The following TBC1D19 variants were observed in gnomAD, a reference collection of about 807,000 sequenced individuals.
TBC1D19 encodes the protein TBC1 domain family member 19.
TBC1D19 carries 60 observed loss-of-function variants against 89.0 expected under a neutral mutation model. That is an observed-to-expected ratio of 0.67 (90% CI 0.55 to 0.84). TBC1D19 has a LOEUF of 0.84. Among genes scored for constraint, TBC1D19 ranks in the 40% least tolerant of loss-of-function variants. The pLI is 0.00. For missense variants in TBC1D19, 500 were observed against 610.8 expected, an observed-to-expected ratio of 0.82 and a Z score of 1.91; for synonymous variants, 189 against 199.7, an observed-to-expected ratio of 0.95 and a Z score of 0.45.
intron 7 of TBC1D19, among the ~76,000 whole-genome samples, chr4:26,652,530 C>T (rs558577033): frequency 1.4e-4 from 21 of 152,216 alleles, no homozygotes; most frequent in East Asian, 1.4e-3. Context: ...CGTGAGCCAC[C>T]GCACCCGGCC....
At chr4:26,807,785 A>T in the TBC1D19 span, among the ~76,000 whole-genome samples, 17 of 152,188 alleles carry the variant, frequency 1.1e-4, no homozygotes, top group Non-Finnish European at 2.5e-4. Context: ...TTTACAGAAC[A>T]TATCAGGTTG....
At position 26,654,835 on chromosome 4, in the gene TBC1D19, C is replaced by T. The variant is rs189979888; in HGVS notation, c.481-4762C>T. Among the ~76,000 whole-genome samples the T allele has an allele frequency of 1.9e-4, 29 of 151,842 alleles. No homozygotes were observed. In the Middle Eastern group the frequency reaches 0.01, roughly 53 times the overall value. ...TGGGTTCGAACTTCCTCCTTTAGCT[C>T]GGAGTAGTTTGATCTTCTGAAGGCT... is the stretch of plus-strand genomic sequence containing the variant. On this transcript the variant is annotated intron_variant, in intron 7 of 20. Coordinates refer to ENST00000264866, the MANE Select transcript of TBC1D19 (RefSeq NM_018317.4).
At chr4:26,676,711 T>A (rs1470099740) in intron 11 of TBC1D19, among the ~76,000 whole-genome samples, 1 of 148,388 alleles carries the variant, frequency 6.7e-6, no homozygotes, top group Non-Finnish European at 1.5e-5. Flanking sequence ...AGGGCAAGAC[T>A]GTCTCAAAAA....
chr4:26,849,998 G>C, the TBC1D19 span, among the ~76,000 whole-genome samples: 1 of 152,058 alleles, frequency 6.6e-6, no homozygotes, highest in African/African-American at 2.4e-5. Context: ...CTATATGCCA[G>C]GTACAGGATC....
intron 18 of TBC1D19, among the ~76,000 whole-genome samples, chr4:26,744,080 G>T (rs1718516341): frequency 6.6e-6 from 1 of 151,446 alleles, no homozygotes; most frequent in South Asian, 2.1e-4. Context: ...AATAGATATA[G>T]GACTACTTGG....
chr4:26,631,199 G>A (rs565853973), intron 4 of TBC1D19, among the ~76,000 whole-genome samples: 1 of 152,156 alleles, frequency 6.6e-6, no homozygotes, highest in South Asian at 2.1e-4. Context: ...GATTTTCAAG[G>A]AAGTGGTATA....
At chr4:26,669,855 C>T (rs1414065193) in intron 9 of TBC1D19, among the ~76,000 whole-genome samples, 1 of 151,552 alleles carries the variant, frequency 6.6e-6, no homozygotes, top group African/African-American at 2.4e-5. Flanking sequence ...TTGAAATGAA[C>T]ATAAAGGATT....
At chr4:26,756,701 T>C (rs527531036), downstream of TBC1D19, among the ~76,000 whole-genome samples, 51 of 152,358 alleles carry the variant, frequency 3.3e-4, no homozygotes, top group South Asian at 8.5e-3. Flanking sequence ...ATATTGTTGG[T>C]ACTTAGTTTG....
the TBC1D19 span, among the ~76,000 whole-genome samples, chr4:26,765,429 G>T: frequency 2.0e-5 from 3 of 150,668 alleles, no homozygotes; most frequent in African/African-American, 7.3e-5. Flanking sequence ...CATATTGGGG[G>T]CTGGGAATTC....
the TBC1D19 span, among the ~76,000 whole-genome samples, chr4:26,856,263 A>C: frequency 1.3e-5 from 2 of 152,196 alleles, no homozygotes; most frequent in Admixed American, 1.3e-4. Context: ...CACTTAGCCT[A>C]ATGTCCTCCA....
the TBC1D19 span, among the ~76,000 whole-genome samples, chr4:26,825,481 A>G: frequency 0.024 from 3,644 of 152,288 alleles, 143 homozygotes; most frequent in African/African-American, 0.084. Flanking sequence ...TATTTTTTCA[A>G]TGACATTTTC....
At chr4:26,636,824 C>T (rs1228112591) in intron 4 of TBC1D19, among the ~76,000 whole-genome samples, 2 of 151,934 alleles carry the variant, frequency 1.3e-5, no homozygotes, top group African/African-American at 4.8e-5. Context: ...TTACCTTTTA[C>T]TAGATCATTA....
At chr4:26,601,683 G>A (rs1335668394) in intron 1 of TBC1D19, among the ~76,000 whole-genome samples, 1 of 152,164 alleles carries the variant, frequency 6.6e-6, no homozygotes, top group Non-Finnish European at 1.5e-5. Context: ...TCTGAGGAGG[G>A]TGAAGGCATG....
At chr4:26,750,470 T>C (rs903561273) in intron 19 of TBC1D19, among the ~76,000 whole-genome samples, 4 of 152,204 alleles carry the variant, frequency 2.6e-5, no homozygotes, top group Non-Finnish European at 4.4e-5. Context: ...TTGAAAGAAA[T>C]GTTGAATTAG....
At chr4:26,702,589 A>G (rs1246801633) in intron 13 of TBC1D19, among the ~76,000 whole-genome samples, 1 of 152,146 alleles carries the variant, frequency 6.6e-6, no homozygotes, top group Non-Finnish European at 1.5e-5. Context: ...TTCTATTAAT[A>G]TTTTAGTCCA....
chr4:26,818,960 G>A, the TBC1D19 span, among the ~76,000 whole-genome samples: 2 of 152,200 alleles, frequency 1.3e-5, no homozygotes, highest in East Asian at 1.9e-4. Context: ...CAGGTGCAAG[G>A]TAAAGCCCAG....
chr4:26,723,366 C>G (rs1717097959), intron 15 of TBC1D19, among the ~76,000 whole-genome samples: 1 of 152,114 alleles, frequency 6.6e-6, no homozygotes. Context: ...AATCTTGACA[C>G]CTCTGTCACT....
intron 1 of TBC1D19, among the ~76,000 whole-genome samples, chr4:26,588,104 C>T (rs1299948153): frequency 1.3e-5 from 2 of 149,848 alleles, no homozygotes; most frequent in African/African-American, 5.0e-5. Flanking sequence ...CGGCTCACTG[C>T]AAGCTCCGCC....
the TBC1D19 span, among the ~76,000 whole-genome samples, chr4:26,816,293 A>G: frequency 1.3e-5 from 2 of 152,122 alleles, no homozygotes; most frequent in Non-Finnish European, 2.9e-5. Flanking sequence ...ATTATCTGTG[A>G]TTTGCCTGTC....
Sources: allele counts gnomAD v4.1 joint callset (sites outside exome capture counted in the v4.1 genomes callset), GRCh38; gene constraint gnomAD v4.1.1; transcripts MANE v1.5; gene names NCBI Gene and HGNC (gene_info 2026-07-23, HGNC 2026-07-21).